POU6F2: variants seen among roughly 807,000 people sequenced by gnomAD.
The protein encoded by POU6F2 is POU class 6 homeobox 2.
A neutral mutation model predicts 71.3 loss-of-function variants in POU6F2; 31 were observed. That is an observed-to-expected ratio of 0.43 (90% confidence interval 0.33 to 0.59). The LOEUF (loss-of-function observed/expected upper bound fraction) is 0.59. Ranked by LOEUF, POU6F2 falls within the 20% of genes least tolerant of loss-of-function variation. The pLI, the probability that POU6F2 is intolerant of heterozygous loss-of-function variation, is 0.04. For synonymous variants in POU6F2, 347 were observed against 355.7 expected, an observed-to-expected ratio of 0.98 and a Z score of 0.27; for missense variants, 783 against 856.8, an observed-to-expected ratio of 0.91 and a Z score of 1.07.
At position 39,001,929 on chromosome 7, in the gene POU6F2, G is replaced by C. The variant is rs528289507; in HGVS notation, c.105+23871G>C. On this transcript the variant is annotated intron_variant, in intron 1 of 9. Transcript: ENST00000518318. ...TGATGTTGGTGATAGTGATGATGTG[G>C]TGGTGATAGTCATGGTGATGTGATT... 477 of 152,372 alleles carry C rather than the reference G, an allele frequency of 3.1e-3. 3 individuals carry two copies. Among genetic ancestry groups the C allele is most frequent in the African/African-American group, 0.011 (455 of 41,502 alleles). The allele number at this position is 152,372 out of a possible 1,614,324, so 9.4% of individuals were successfully genotyped here.
chr7:39,382,898 C>T (rs1583563880), intron 5 of POU6F2, among the ~76,000 whole-genome samples: 1 of 151,960 alleles, frequency 6.6e-6, no homozygotes, highest in East Asian at 1.9e-4. Flanking sequence ...ATAATAATAC[C>T]CTGGAGTCAT....
At chr7:39,288,105 T>C (rs4336506) in intron 4 of POU6F2, among the ~76,000 whole-genome samples, 70,295 of 152,114 alleles carry the variant, frequency 0.46, 17,215 homozygotes, top group Admixed American at 0.62. Flanking sequence ...TAAAAAATAA[T>C]TAAAGACCAA....
At chr7:39,156,415 T>C (rs1323548644) in intron 2 of POU6F2, among the ~76,000 whole-genome samples, 1 of 152,198 alleles carries the variant, frequency 6.6e-6, no homozygotes, top group African/African-American at 2.4e-5. Flanking sequence ...TCATTTCAGC[T>C]ATGTAGTTTA....
intron 1 of POU6F2, among the ~76,000 whole-genome samples, chr7:38,994,013 G>A (rs1017417121): frequency 6.6e-6 from 1 of 152,126 alleles, no homozygotes; most frequent in Non-Finnish European, 1.5e-5. Flanking sequence ...CAAAAAGTCT[G>A]AGGCTAATAA....
chr7:39,202,897 T>C (rs920571418), intron 2 of POU6F2, among the ~76,000 whole-genome samples: 1 of 152,246 alleles, frequency 6.6e-6, no homozygotes, highest in Non-Finnish European at 1.5e-5. Flanking sequence ...AATAGAATGC[T>C]TGTAAGTATT....
chr7:39,449,493 G>T (rs1473357479), intron 7 of POU6F2, among the ~76,000 whole-genome samples: 1 of 152,156 alleles, frequency 6.6e-6, no homozygotes, highest in Non-Finnish European at 1.5e-5. Context: ...ATACATTGCT[G>T]GTGGGAACAT....
intron 2 of POU6F2, among the ~76,000 whole-genome samples, chr7:39,154,536 T>G (rs966863537): frequency 6.6e-6 from 1 of 152,214 alleles, no homozygotes; most frequent in Non-Finnish European, 1.5e-5. Flanking sequence ...GGCTTATGCC[T>G]TGGTCTTCTC....
chr7:39,160,036 GACAGAAGTGGAATT>G (rs945785708), intron 2 of POU6F2, among the ~76,000 whole-genome samples: 5 of 152,222 alleles, frequency 3.3e-5, no homozygotes, highest in Non-Finnish European at 7.4e-5. Context: ...TGATGGTGTG[GACAGAAGTGGAATT>G]ACCAAGGGAG....
At chr7:39,101,262 C>T (rs1306609591) in intron 2 of POU6F2, among the ~76,000 whole-genome samples, 8 of 151,822 alleles carry the variant, frequency 5.3e-5, no homozygotes, top group East Asian at 1.9e-4. Context: ...TTGGTAGAGA[C>T]GGGGTTTCGC....
At chr7:39,430,753 A>T (rs1788081823) in intron 6 of POU6F2, among the ~76,000 whole-genome samples, 1 of 152,058 alleles carries the variant, frequency 6.6e-6, no homozygotes, top group Non-Finnish European at 1.5e-5. Context: ...AATCGCACCG[A>T]CACCCTGCCC....
At chr7:39,108,928 G>A (rs1369542185) in intron 2 of POU6F2, among the ~76,000 whole-genome samples, 1 of 152,176 alleles carries the variant, frequency 6.6e-6, no homozygotes, top group Admixed American at 6.5e-5. Flanking sequence ...GAGGAAAAAG[G>A]TTAAGTATAC....
chr7:39,166,628 G>A lies in POU6F2; in HGVS notation c.278-37607G>A, dbSNP rs184763936. ...GCCCTTAGGAAAGTCACACTTCCAA[G>A]GGACTGAGGGCTTGTCCCTACCTCT... On this transcript the variant is annotated intron_variant, in intron 2 of 9. Coordinates refer to ENST00000518318, the MANE Select transcript of POU6F2 (RefSeq NM_001370959.1). 2.1e-3 allele frequency among the ~76,000 whole-genome samples: 320 copies of A among 152,264 alleles called. 1 individual carries two copies. The highest frequency in any genetic ancestry group is 7.2e-3 in the African/African-American group (300 of 41,554).
At chr7:39,247,124 A>G (rs778509826) in intron 4 of POU6F2, among the ~76,000 whole-genome samples, 7 of 151,898 alleles carry the variant, frequency 4.6e-5, no homozygotes, top group Admixed American at 1.3e-4. Context: ...GAATATTACC[A>G]TGTAATTTAC....
chr7:39,448,664 AT>A (rs1216522192), intron 7 of POU6F2, among the ~76,000 whole-genome samples: 5 of 152,046 alleles, frequency 3.3e-5, no homozygotes, highest in African/African-American at 1.2e-4. Context: ...CAGTCTAGTA[AT>A]TTTTTCTTTA....
chr7:39,004,291 C>T (rs1788994077), intron 1 of POU6F2, among the ~76,000 whole-genome samples: 1 of 152,302 alleles, frequency 6.6e-6, no homozygotes, highest in South Asian at 2.1e-4. Flanking sequence ...ATAAAAGTAG[C>T]CATAGCTTGG....
intron 5 of POU6F2, among the ~76,000 whole-genome samples, chr7:39,357,879 G>C (rs946355805): frequency 6.6e-6 from 1 of 152,144 alleles, no homozygotes; most frequent in African/African-American, 2.4e-5. Flanking sequence ...GCCCCCTCTG[G>C]TGGCCTCTGA....
intron 5 of POU6F2, among the ~76,000 whole-genome samples, chr7:39,353,053 A>G (rs965061657): frequency 6.6e-6 from 1 of 152,248 alleles, no homozygotes. Context: ...CTTCAAAAAC[A>G]CCTGCCCTTT....
chr7:39,193,053 C>T (rs773683157), intron 2 of POU6F2, among the ~76,000 whole-genome samples: 1 of 152,070 alleles, frequency 6.6e-6, no homozygotes, highest in Admixed American at 6.6e-5. Flanking sequence ...TCTGATTTGG[C>T]GGGTCTGAGG....
At chr7:39,179,770 G>T (rs1261584080) in intron 2 of POU6F2, among the ~76,000 whole-genome samples, 1 of 152,180 alleles carries the variant, frequency 6.6e-6, no homozygotes, top group African/African-American at 2.4e-5. Flanking sequence ...ATCACTCCTT[G>T]TCTACTGGAA....
Sources: gnomAD v4.1 joint callset for allele counts (sites outside exome capture counted in the v4.1 genomes callset) on GRCh38, gnomAD v4.1.1 for gene constraint, MANE v1.5 for transcripts, NCBI Gene and HGNC (gene_info 2026-07-23, HGNC 2026-07-21) for gene names.